GPHN: variants seen among roughly 807,000 people sequenced by gnomAD.
The protein encoded by GPHN is gephyrin.
A neutral mutation model predicts 95.5 loss-of-function variants in GPHN; 17 were observed. The ratio of observed to expected loss-of-function variants is 0.18; its 90% CI spans 0.12 to 0.27. GPHN has a LOEUF of 0.27. Among genes scored for constraint, GPHN ranks in the 10% least tolerant of loss-of-function variants. The pLI is 1.00. For missense variants in GPHN, 660 were observed against 978.1 expected, an observed-to-expected ratio of 0.67 and a Z score of 4.34; for synonymous variants, 320 against 322.5, an observed-to-expected ratio of 0.99 and a Z score of 0.08.
chr14:67,343,566 T>A, the GPHN span: 1 of 687,516 alleles, frequency 1.5e-6, no homozygotes, highest in Non-Finnish European at 2.4e-6. Flanking sequence ...TTGGCATGCT[T>A]AAAAAACAAA....
chr14:67,393,072 C>T, the GPHN span: 47 of 1,126,012 alleles, frequency 4.2e-5, no homozygotes, highest in East Asian at 6.3e-4. Flanking sequence ...CAATACAGGG[C>T]GGTCAAGCAC....
intron 8 of GPHN, among the ~76,000 whole-genome samples, chr14:66,956,445 C>T (rs544398566): frequency 6.6e-6 from 1 of 152,146 alleles, no homozygotes; most frequent in South Asian, 2.1e-4. Flanking sequence ...TTCTAGATCC[C>T]TGAGGAATCG....
the GPHN span, chr14:67,294,694 A>G: frequency 6.7e-6 from 1 of 150,296 alleles, no homozygotes; most frequent in African/African-American, 2.4e-5. Flanking sequence ...TTTTTTTGAG[A>G]TGGAGTCTTG....
At chr14:67,142,446 C>A (rs2080529604) in intron 17 of GPHN, among the ~76,000 whole-genome samples, 1 of 152,148 alleles carries the variant, frequency 6.6e-6, no homozygotes, top group Non-Finnish European at 1.5e-5. Context: ...AAAGATAAGA[C>A]CCCTGTTTTC....
At chr14:67,278,139 C>A in the GPHN span, among the ~76,000 whole-genome samples, 1 of 151,282 alleles carries the variant, frequency 6.6e-6, no homozygotes, top group East Asian at 1.9e-4. Flanking sequence ...CAGGTTCAAG[C>A]GATTCTCCTG....
chr14:67,165,996 T>C (rs1043299644), intron 20 of GPHN, among the ~76,000 whole-genome samples: 5 of 152,236 alleles, frequency 3.3e-5, no homozygotes, highest in African/African-American at 1.2e-4. Flanking sequence ...TCTGTTCAGT[T>C]CTCTATTTTT....
At chr14:66,837,614 AAAATAAATAAATAAAT>A (rs202145300) in intron 4 of GPHN, among the ~76,000 whole-genome samples, 1,874 of 144,496 alleles carry the variant, frequency 0.013, 18 homozygotes, top group Non-Finnish European at 0.018. Context: ...TAAATAAATA[AAAATAAATAAATAAAT>A]AAATAAATAA....
chr14:66,540,610 A>G (rs956253442), intron 1 of GPHN, among the ~76,000 whole-genome samples: 10 of 152,182 alleles, frequency 6.6e-5, no homozygotes, highest in Non-Finnish European at 1.3e-4. Flanking sequence ...GTTTCTTTAA[A>G]AATAATAGTC....
At chr14:66,591,743 T>C (rs536078397) in intron 1 of GPHN, among the ~76,000 whole-genome samples, 10 of 152,330 alleles carry the variant, frequency 6.6e-5, no homozygotes, top group Middle Eastern at 3.4e-3. Flanking sequence ...AAGTAATTTA[T>C]AGATTAAGTG....
intron 5 of GPHN, among the ~76,000 whole-genome samples, chr14:66,914,438 C>T (rs1427338217): frequency 6.6e-6 from 1 of 152,058 alleles, no homozygotes; most frequent in African/African-American, 2.4e-5. Context: ...AATGAACTTA[C>T]TGGATAAAAT....
chr14:67,724,396 T>G, the GPHN span: 29 of 647,238 alleles, frequency 4.5e-5, 2 homozygotes, highest in Non-Finnish European at 5.9e-5. Context: ...GATAGAGTTT[T>G]TTTTTTTTTT....
chr14:67,346,715 G>C, the GPHN span, among the ~76,000 whole-genome samples: 2 of 152,224 alleles, frequency 1.3e-5, no homozygotes, highest in Admixed American at 1.3e-4. Flanking sequence ...TTAAAAAGTG[G>C]AAGTGGGCTA....
chr14:67,480,966 G>A, the GPHN span, among the ~76,000 whole-genome samples: 4 of 152,202 alleles, frequency 2.6e-5, no homozygotes, highest in Non-Finnish European at 5.9e-5. Flanking sequence ...AGCTGTCAAA[G>A]GGAGAGAGAA....
intron 1 of GPHN, among the ~76,000 whole-genome samples, chr14:66,558,792 T>C (rs2060111463): frequency 6.6e-6 from 1 of 152,008 alleles, no homozygotes; most frequent in Admixed American, 6.6e-5. Context: ...AATGTGCAGG[T>C]TAGTTACATA....
intron 1 of GPHN, among the ~76,000 whole-genome samples, chr14:66,545,573 C>A (rs2059541513): frequency 9.2e-6 from 1 of 109,010 alleles, no homozygotes. Context: ...ACCCCCCCAC[C>A]TCCCTCCCGG....
At chr14:67,674,584 G>A in the GPHN span, 2 of 1,039,952 alleles carry the variant, frequency 1.9e-6, no homozygotes, top group African/African-American at 1.7e-5. Flanking sequence ...TGGCCATAAC[G>A]GCGACCGCCG....
chr14:67,092,156 G>C (rs1277591512), intron 12 of GPHN, among the ~76,000 whole-genome samples: 1 of 151,838 alleles, frequency 6.6e-6, no homozygotes, highest in Non-Finnish European at 1.5e-5. Flanking sequence ...TCACTTTTTT[G>C]TCTGTAATTC....
At position 66,837,612 on chromosome 14, in the gene GPHN, TAAAAATAAATAA is replaced by T. The variant is rs1356208408; in HGVS notation, c.294+13048_294+13059del. ...AGTATAATAAAAATAAATAAATAAA[TAAAAATAAATAA>T]ATAAATAAATAAATAAATAAATAAA... On this transcript the variant is annotated intron_variant, in intron 4 of 22. Coordinates refer to ENST00000478722, the MANE Select transcript of GPHN (RefSeq NM_020806.5). 2.4e-4 allele frequency among the ~76,000 whole-genome samples: 31 copies of T among 126,872 alleles called. No individual in the cohort carries two copies. The South Asian group carries it at 7.3e-3, about 30-fold the overall frequency. 83.2% of individuals were successfully genotyped at this position (126,872 alleles called of 152,430 possible).
At chr14:66,740,757 G>T (rs1395680703) in intron 2 of GPHN, among the ~76,000 whole-genome samples, 2 of 152,178 alleles carry the variant, frequency 1.3e-5, no homozygotes, top group Non-Finnish European at 2.9e-5. Flanking sequence ...TTTATAAAGA[G>T]TAAGGCCTTG....
Sources: gnomAD v4.1 joint callset for allele counts (sites outside exome capture counted in the v4.1 genomes callset) on GRCh38, gnomAD v4.1.1 for gene constraint, MANE v1.5 for transcripts, NCBI Gene and HGNC (gene_info 2026-07-23, HGNC 2026-07-21) for gene names.